The following ADAM2 variants were observed in gnomAD, a reference collection of about 807,000 sequenced individuals.
ADAM2 encodes the protein ADAM metallopeptidase domain 2.
In ADAM2, 101 loss-of-function variants were observed where a neutral mutation model predicts 99.3. That is an observed-to-expected ratio of 1.02 (90% CI 0.87 to 1.20). ADAM2 has a LOEUF of 1.20. Ranked by LOEUF, ADAM2 falls within the 50% of genes most tolerant of loss-of-function variation. The probability of loss-of-function intolerance (pLI) is 0.00; values close to 1 mark genes in which losing one functional copy is unlikely to be tolerated. For missense variants in ADAM2, 948 were observed against 878.7 expected (o/e 1.08, Z -1.00); for synonymous variants, 323 against 287.6 (o/e 1.12, Z -1.25).
intron 15 of ADAM2, among the ~76,000 whole-genome samples, chr8:39,756,462 T>G (rs1229682933): frequency 6.6e-6 from 1 of 152,218 alleles, no homozygotes; most frequent in Non-Finnish European, 1.5e-5. Flanking sequence ...AGATTTTTAT[T>G]TGGCCCTTGC....
chr8:39,763,568 G>A (rs192962233), intron 14 of ADAM2, among the ~76,000 whole-genome samples: 7 of 152,276 alleles, frequency 4.6e-5, no homozygotes, highest in Admixed American at 2.6e-4. Flanking sequence ...GTGCATTCAG[G>A]AGACCACCTA....
chr8:39,783,592 A>T (rs990457856), intron 10 of ADAM2, among the ~76,000 whole-genome samples: 2 of 152,146 alleles, frequency 1.3e-5, no homozygotes, highest in Non-Finnish European at 2.9e-5. Context: ...GACCCCTAAC[A>T]TGACTATATC....
intron 6 of ADAM2, among the ~76,000 whole-genome samples, chr8:39,810,741 A>G (rs886834885): frequency 3.9e-5 from 6 of 152,244 alleles, no homozygotes; most frequent in Admixed American, 6.5e-5. Context: ...ACCGATGAGA[A>G]CAAAGACACA....
Position 39,804,082 on chromosome 8 carries a change from G to C in ADAM2, c.570+5328C>G, listed in dbSNP as rs1369650789. 2.6e-5 allele frequency among the ~76,000 whole-genome samples: 4 copies of C among 152,202 alleles called. No homozygotes were observed. In the East Asian group the frequency reaches 7.7e-4, roughly 29 times the overall value. On this transcript the variant is annotated intron_variant, in intron 7 of 20. Coordinates refer to ENST00000265708, the MANE Select transcript of ADAM2 (RefSeq NM_001464.5). ...GTATCCAGGCTAAGTGTTTGAGCAA[G>C]TGACAAGAGTTTGTGGATGTTCTCT...
chr8:39,804,264 C>A (rs1012392420), intron 7 of ADAM2, among the ~76,000 whole-genome samples: 1 of 152,080 alleles, frequency 6.6e-6, no homozygotes. Flanking sequence ...TGGATTTAAC[C>A]AGGTTTGAGG....
intron 14 of ADAM2, among the ~76,000 whole-genome samples, chr8:39,764,772 G>C (rs946738942): frequency 6.6e-6 from 1 of 152,180 alleles, no homozygotes; most frequent in Admixed American, 6.5e-5. Context: ...CCAGCACTTC[G>C]GGAGGCCCAG....
chr8:39,767,269 T>C lies in ADAM2; in HGVS notation c.1213-18A>G. The stretch of plus-strand genomic sequence containing the variant: ...GCACAATCCTGTAAGGCAAATCAAA[T>C]GCTCTGAAGTATTTTCCAACTTGTA... On this transcript the variant is annotated intron_variant, in intron 12 of 20. Coordinates refer to ENST00000265708, the MANE Select transcript of ADAM2 (RefSeq NM_001464.5). 2 of 1,576,432 alleles carry C rather than the reference T, an allele frequency of 1.3e-6. No individual in the cohort carries two copies. Among genetic ancestry groups the C allele is most frequent in the Non-Finnish European group, 1.7e-6 (2 of 1,155,158 alleles).
chr8:39,749,983 G>T (rs1432879342), intron 16 of ADAM2, among the ~76,000 whole-genome samples: 1 of 151,962 alleles, frequency 6.6e-6, no homozygotes, highest in Non-Finnish European at 1.5e-5. Context: ...TCCCTGCTTA[G>T]ACTGGGATAG....
At position 39,832,794 on chromosome 8, in the gene ADAM2, G is replaced by A. The variant is rs541157640; in HGVS notation, c.188+1150C>T. On this transcript the variant is annotated intron_variant, in intron 3 of 20. Transcript: ENST00000265708. ...TTTAGTATGTGATTTTTTTTCTTAA[G>A]TACCTTTTCACCGCTTGTGTGCAAG... Among the ~76,000 whole-genome samples the A allele has an allele frequency of 1.9e-4, 29 of 151,022 alleles. 1 individual carries two copies. Among genetic ancestry groups the A allele is most frequent in the Middle Eastern group, 3.4e-3 (1 of 294 alleles).
At chr8:39,817,152 AAAG>A (rs1804980110) in intron 6 of ADAM2, among the ~76,000 whole-genome samples, 1 of 152,210 alleles carries the variant, frequency 6.6e-6, no homozygotes, top group African/African-American at 2.4e-5. Context: ...ATTAGATATA[AAAG>A]AAGAAAGAAT....
chr8:39,796,346 C>A (rs141171652), intron 7 of ADAM2, among the ~76,000 whole-genome samples: 1 of 152,174 alleles, frequency 6.6e-6, no homozygotes, highest in Non-Finnish European at 1.5e-5. Flanking sequence ...CCAGCTTCAT[C>A]CATGTCCCTG....
At chr8:39,829,402 AAGTT>A (rs1805532065) in intron 3 of ADAM2, among the ~76,000 whole-genome samples, 2 of 152,016 alleles carry the variant, frequency 1.3e-5, no homozygotes, top group African/African-American at 4.8e-5. Context: ...TGTATTTAAA[AAGTT>A]AGAGAAATTA....
rs752427471 is a variant in ADAM2, at chr8:39,769,576, C to T, written c.1029-1G>A. ...AAAGATCTTCACACCACTGAAATGA[C>T]TAAAGACACATCAAACGTCAAATTT... On this transcript the variant is annotated splice_acceptor_variant, in intron 11 of 20. Coordinates refer to ENST00000265708, the MANE Select transcript of ADAM2 (RefSeq NM_001464.5). LOFTEE classifies it high-confidence loss of function. 6.2e-7 allele frequency: 1 copy of T among 1,607,540 alleles called. No homozygotes were observed. The highest frequency in any genetic ancestry group is 1.1e-5 in the South Asian group (1 of 90,800).
Position 39,752,517 on chromosome 8 carries a change from G to A in ADAM2, c.1798-2773C>T, listed in dbSNP as rs140531056. Among the ~76,000 whole-genome samples, 429 of 152,228 alleles carry A rather than the reference G, an allele frequency of 2.8e-3. 4 individuals carry two copies. Among genetic ancestry groups the A allele is most frequent in the African/African-American group, 9.7e-3 (401 of 41,550 alleles). ...GATTTTATTGGCAATACTCTAACTT[G>A]TCTGGTAGCTGCCTTAAGGACTGGT... On this transcript the variant is annotated intron_variant, in intron 16 of 20. Coordinates refer to ENST00000265708, the MANE Select transcript of ADAM2 (RefSeq NM_001464.5).
chr8:39,831,551 T>C (rs1225911460), intron 3 of ADAM2, among the ~76,000 whole-genome samples: 1 of 151,950 alleles, frequency 6.6e-6, no homozygotes, highest in African/African-American at 2.4e-5. Context: ...AAGTAAATTA[T>C]GAAACTTAAG....
chr8:39,821,501 A>T, intron 5 of ADAM2, 85 bp downstream of exon 5: 1 of 1,078,716 alleles, frequency 9.3e-7, no homozygotes, highest in South Asian at 1.5e-5. Context: ...CACACTTTAG[A>T]ACCACTGAAT....
At chr8:39,759,310 T>C (rs1360151822) in intron 15 of ADAM2, among the ~76,000 whole-genome samples, 1 of 151,828 alleles carries the variant, frequency 6.6e-6, no homozygotes, top group Non-Finnish European at 1.5e-5. Context: ...AAACCTAAAT[T>C]GTGGGAAAAT....
At chr8:39,753,106 A>T (rs1235990927) in intron 16 of ADAM2, among the ~76,000 whole-genome samples, 1 of 152,150 alleles carries the variant, frequency 6.6e-6, no homozygotes, top group Non-Finnish European at 1.5e-5. Context: ...AAGACGGGAA[A>T]ATGTGGGAAA....
intron 16 of ADAM2, among the ~76,000 whole-genome samples, chr8:39,752,926 A>G (rs1218619917): frequency 1.3e-5 from 2 of 152,114 alleles, no homozygotes; most frequent in Admixed American, 6.5e-5. Flanking sequence ...CTTGTTTTCT[A>G]TATAAATTAC....
Sources: allele counts gnomAD v4.1 joint callset (sites outside exome capture counted in the v4.1 genomes callset), GRCh38; gene constraint gnomAD v4.1.1; transcripts MANE v1.5; gene names NCBI Gene and HGNC (gene_info 2026-07-23, HGNC 2026-07-21).